The following BIRC2 variants were observed in gnomAD, a reference collection of about 807,000 sequenced individuals.
The protein encoded by BIRC2 is baculoviral IAP repeat containing 2, also known as baculoviral IAP repeat-containing protein 2.
BIRC2 carries 18 observed loss-of-function variants against 60.9 expected under a neutral mutation model. The observed-to-expected ratio is 0.30, with a 90% CI of 0.20 to 0.44. The LOEUF (loss-of-function observed/expected upper bound fraction) is 0.44. BIRC2 is among the 20% of genes least tolerant of loss of function. The pLI, the probability that BIRC2 is intolerant of heterozygous loss-of-function variation, is 1.00. For missense variants in BIRC2, 701 were observed against 728.5 expected (o/e 0.96, Z 0.43); for synonymous variants, 282 against 247.7 (o/e 1.14, Z -1.30).
intron 4 of BIRC2, 106 bp from the exon 5 acceptor site, chr11:102,363,562 C>G (rs1454748588): frequency 5.2e-6 from 4 of 773,838 alleles, no homozygotes; most frequent in Non-Finnish European, 8.3e-6. Context: ...ACTCAGTTCT[C>G]AAAAGAACAT....
intron 3 of BIRC2, 63 bp from the exon 4 acceptor site, chr11:102,362,833 G>A: frequency 7.7e-7 from 1 of 1,296,590 alleles, no homozygotes; most frequent in South Asian, 1.3e-5. Flanking sequence ...CATTTTTCTA[G>A]AATGATCAGG....
chr11:102,356,216 G>C (rs1217958875), intron 3 of BIRC2, among the ~76,000 whole-genome samples: 1 of 129,870 alleles, frequency 7.7e-6, no homozygotes. Context: ...TTTTTTTTGA[G>C]ATGGAATTTT....
intron 3 of BIRC2, among the ~76,000 whole-genome samples, chr11:102,353,440 C>G (rs926991120): frequency 3.3e-5 from 5 of 152,034 alleles, no homozygotes; most frequent in African/African-American, 2.4e-5. Flanking sequence ...AGCCTCAGCC[C>G]CCCGAGTAGC....
chr11:102,359,663 C>G (rs1477656782), intron 3 of BIRC2, among the ~76,000 whole-genome samples: 1 of 152,200 alleles, frequency 6.6e-6, no homozygotes, highest in African/African-American at 2.4e-5. Context: ...TATCATCCAA[C>G]TCTCTCCTGG....
intron 6 of BIRC2, among the ~76,000 whole-genome samples, chr11:102,375,562 C>T (rs1282702935): frequency 6.6e-6 from 1 of 152,120 alleles, no homozygotes; most frequent in African/African-American, 2.4e-5. Context: ...GGGCGGATCA[C>T]AAGGTCAGGA....
chr11:102,352,207 G>A (rs557356960), intron 3 of BIRC2, among the ~76,000 whole-genome samples: 252 of 148,496 alleles, frequency 1.7e-3, no homozygotes, highest in African/African-American at 4.7e-3. Context: ...TCCACCTCCC[G>A]GGTTCACGCC....
At chr11:102,364,180 CACACACAG>C (rs1228276821) in intron 5 of BIRC2, among the ~76,000 whole-genome samples, 8 of 73,984 alleles carry the variant, frequency 1.1e-4, no homozygotes, top group African/African-American at 5.5e-4. Flanking sequence ...TATATACACA[CACACACAG>C]AGAGAGAGAG....
intron 3 of BIRC2, among the ~76,000 whole-genome samples, chr11:102,356,540 T>A (rs1951423507): frequency 6.6e-6 from 1 of 151,880 alleles, no homozygotes; most frequent in Non-Finnish European, 1.5e-5. Context: ...ACTGTGCACT[T>A]GCCATTTATG....
intron 6 of BIRC2, among the ~76,000 whole-genome samples, 154 bp from the exon 7 acceptor site, chr11:102,377,342 A>G (rs762679853): frequency 6.6e-5 from 10 of 152,194 alleles, no homozygotes; most frequent in Non-Finnish European, 8.8e-5. Flanking sequence ...AAGTTTTCCA[A>G]ACAACAAACT....
Position 102,350,457 on chromosome 11 carries a change from A to G in BIRC2, c.603A>G (p.Pro201=), listed in dbSNP as rs758502806. The change falls in exon 2 of 9, where the codon CCA becomes CCG. Residue 201 remains proline, a synonymous_variant. Coordinates refer to ENST00000227758, the MANE Select transcript of BIRC2 (RefSeq NM_001166.5). ...YHMWPLTFLS[P]SELARAGFYY... is the part of the protein sequence containing the mutation. ...TGTGGCCATTAACTTTTTTGTCACC[A>G]TCAGAATTGGCAAGAGCTGGTTTTT... is the stretch of plus-strand genomic sequence containing the variant. 9 of 1,614,248 alleles carry G rather than the reference A, an allele frequency of 5.6e-6. No individual in the cohort carries two copies. Among genetic ancestry groups the G allele is most frequent in the Non-Finnish European group, 5.1e-6 (6 of 1,180,040 alleles).
At chr11:102,375,805 T>C (rs1348521398) in intron 6 of BIRC2, among the ~76,000 whole-genome samples, 1 of 151,172 alleles carries the variant, frequency 6.6e-6, no homozygotes, top group Non-Finnish European at 1.5e-5. Flanking sequence ...AAAATTCCAG[T>C]TCTATCAGTT....
chr11:102,366,511 C>T (rs185852849), intron 5 of BIRC2, among the ~76,000 whole-genome samples: 3 of 152,098 alleles, frequency 2.0e-5, no homozygotes, highest in Admixed American at 2.0e-4. Flanking sequence ...GGACTACAGG[C>T]GCCCACCACC....
intron 3 of BIRC2, among the ~76,000 whole-genome samples, chr11:102,355,467 T>C (rs964881066): frequency 6.6e-6 from 1 of 152,214 alleles, no homozygotes; most frequent in Non-Finnish European, 1.5e-5. Flanking sequence ...TGTTGGTGTA[T>C]GTCTTTGTTT....
chr11:102,378,079 C>T lies in BIRC2; in HGVS notation c.1753C>T (p.Pro585Ser), dbSNP rs745599708. 4.3e-6 allele frequency: 7 copies of T among 1,613,526 alleles called. No individual in the cohort carries two copies. Among genetic ancestry groups the T allele is most frequent in the African/African-American group, 2.7e-5 (2 of 74,862 alleles). ...MDKEVSVVFI[P>S]CGHLVVCQEC... ...CAAAGAAGTTTCTGTTGTATTTATTCCTTGTGGTCATCTGGTAGTATGCCA... is the reference window on the plus strand; with the variant it reads ...CAAAGAAGTTTCTGTTGTATTTATTTCTTGTGGTCATCTGGTAGTATGCCA... Residue 585 changes from proline to serine, a missense_variant, in exon 9 of 9, where the codon CCT (proline) becomes TCT (serine). Around this residue, in one of 4 missense-constraint regions of BIRC2, gnomAD observed 52 missense variants for 83.9 expected, o/e 0.62. Coordinates refer to ENST00000227758, the MANE Select transcript of BIRC2 (RefSeq NM_001166.5).
At position 102,349,909 on chromosome 11, in the gene BIRC2, A is replaced by G. The variant is rs1951334945; in HGVS notation, c.55A>G (p.Lys19Glu). Residue 19 changes from lysine (K) to glutamate (E), a missense_variant, in exon 2 of 9, where the codon AAG (lysine) becomes GAG (glutamate). By Grantham distance (56) the Lys-to-Glu change is moderately conservative. Around this residue, in one of 4 missense-constraint regions of BIRC2, gnomAD observed 375 missense variants for 365.9 expected, o/e 1.02. Coordinates refer to ENST00000227758, the MANE Select transcript of BIRC2 (RefSeq NM_001166.5). ...LFPGPSYQNI[K>E]SIMEDSTILS... ...CCCAGGTCCCTCGTATCAAAACATTAAGAGTATAATGGAAGATAGCACGAT... is the reference window on the plus strand; with the variant it reads ...CCCAGGTCCCTCGTATCAAAACATTGAGAGTATAATGGAAGATAGCACGAT... 2.5e-6 allele frequency: 4 copies of G among 1,613,962 alleles called. No individual in the cohort carries two copies. Among genetic ancestry groups the G allele is most frequent in the Middle Eastern group, 1.6e-4 (1 of 6,062 alleles).
At chr11:102,353,145 G>A (rs981511600) in intron 3 of BIRC2, among the ~76,000 whole-genome samples, 8 of 152,220 alleles carry the variant, frequency 5.3e-5, no homozygotes, top group African/African-American at 1.9e-4. Flanking sequence ...AATCCATGTT[G>A]TGGTATCAAA....
chr11:102,363,857 G>A (rs33998842), intron 5 of BIRC2, 141 bp downstream of exon 5: 11 of 537,820 alleles, frequency 2.0e-5, no homozygotes, highest in Non-Finnish European at 3.2e-5. Context: ...AGGAGTTCGA[G>A]ACCAGCCTGG....
chr11:102,352,136 C>T lies in BIRC2; in HGVS notation c.995+1193C>T, dbSNP rs555796779. 2.0e-4 allele frequency among the ~76,000 whole-genome samples: 30 copies of T among 148,324 alleles called. No homozygotes were observed. The South Asian group carries it at 3.6e-3, about 18-fold the overall frequency. On this transcript the variant is annotated intron_variant, in intron 3 of 8. Coordinates refer to ENST00000227758, the MANE Select transcript of BIRC2 (RefSeq NM_001166.5). ...TTTTTTTGTTTTGTTTTTTTTGAGA[C>T]GGAGTCTCACTCTGTCACCCAGGCT...
At chr11:102,369,436 T>C (rs1246594221) in intron 6 of BIRC2, among the ~76,000 whole-genome samples, 2 of 151,434 alleles carry the variant, frequency 1.3e-5, no homozygotes, top group East Asian at 3.9e-4. Context: ...GTTCTTGCGA[T>C]AGTTTACTGA....
Sources: allele counts gnomAD v4.1 joint callset (sites outside exome capture counted in the v4.1 genomes callset), GRCh38; gene constraint gnomAD v4.1.1; regional missense constraint gnomAD v4.1.1; transcripts MANE v1.5; gene names NCBI Gene and HGNC (gene_info 2026-07-23, HGNC 2026-07-21).